The following NFE2L1 variants were observed in gnomAD, a reference collection of about 807,000 sequenced individuals.
NFE2L1 encodes the protein endoplasmic reticulum membrane sensor NFE2L1.
In NFE2L1, 18 loss-of-function variants were observed where a neutral mutation model predicts 61.6. That is an observed-to-expected ratio of 0.29 (90% CI 0.20 to 0.43). The LOEUF (loss-of-function observed/expected upper bound fraction) is 0.43. Among genes scored for constraint, NFE2L1 ranks in the 20% least tolerant of loss-of-function variants. The pLI is 1.00. For synonymous variants in NFE2L1, 419 were observed against 402.7 expected (o/e 1.04, Z -0.48); for missense variants, 827 against 973.5 (o/e 0.85, Z 2.00).
chr17:48,055,120 C>T (rs2037363959), intron 2 of NFE2L1: 2 of 1,429,792 alleles, frequency 1.4e-6, no homozygotes, highest in African/African-American at 3.0e-5. Context: ...CCCAGCCCGC[C>T]TCTGCTCCTG....
At chr17:48,055,610 AC>A (rs1267181915) in intron 2 of NFE2L1, among the ~76,000 whole-genome samples, 1 of 151,862 alleles carries the variant, frequency 6.6e-6, no homozygotes, top group African/African-American at 2.4e-5. Context: ...TGTAGGGGAC[AC>A]AGTGAGGCTG....
rs781297109 is a variant in NFE2L1 at position 48,059,674 on chromosome 17, A to G, written c.*33A>G. On this transcript the variant is annotated 3_prime_UTR_variant, in exon 6 of 6. Coordinates refer to ENST00000362042, the MANE Select transcript of NFE2L1 (RefSeq NM_003204.3). This position sits in a 1 kb window ranked among gnomAD's most constrained non-coding sequence, Gnocchi z 6.1. ...GAAGAAGGGGGTTTGAAGCCCACCA[A>G]GACCGAAACTGGAGAAGGGCTGGAC... 7 of 1,521,706 alleles carry G rather than the reference A, an allele frequency of 4.6e-6. No homozygotes were observed. Among genetic ancestry groups the G allele is most frequent in the Non-Finnish European group, 6.1e-6 (7 of 1,138,848 alleles). 94.3% of individuals were successfully genotyped at this position (1,521,706 alleles called of 1,614,324 possible).
rs1567754742 is a variant in NFE2L1, at chr17:48,057,328, C to CT, written c.814-15dup. 2 of 1,611,972 alleles carry CT rather than the reference C, an allele frequency of 1.2e-6. No homozygotes were observed. Among genetic ancestry groups the CT allele is most frequent in the Admixed American group, 1.7e-5 (1 of 59,506 alleles). On this transcript the variant is annotated splice_polypyrimidine_tract_variant and intron_variant, in intron 4 of 5. Transcript: ENST00000362042. ...TTTTCCTTCCCCCTTGTTAAAGCCT[C>CT]TGTGTTTTGCCCTAGTTTCCAGCAG...
At position 48,058,606 on chromosome 17, in the gene NFE2L1, C is replaced by T. The variant is rs747824807; in HGVS notation, c.1284C>T (p.Asp428=). 5 of 1,613,896 alleles carry T rather than the reference C, an allele frequency of 3.1e-6. No individual in the cohort carries two copies. The highest frequency in any genetic ancestry group is 4.2e-6 in the Non-Finnish European group (5 of 1,179,814). The change falls in exon 6 of 6, where the codon GAC becomes GAT. Residue 428 remains aspartate (D), a synonymous_variant. Coordinates refer to ENST00000362042, the MANE Select transcript of NFE2L1 (RefSeq NM_003204.3). Reference sequence around the variant, plus strand: ...CCCAGCTCAATGGCACAGCCAATGACACAGCAGGCCCAGAGCTGCCTGACC... The same window carrying T: ...CCCAGCTCAATGGCACAGCCAATGATACAGCAGGCCCAGAGCTGCCTGACC... ...FPPQLNGTAN[D]TAGPELPDPL...
At position 48,051,385 on chromosome 17, in the gene NFE2L1, C is replaced by G. The variant is rs1295551445; in HGVS notation, c.267C>G (p.Ala89=). ...GGCGGCTCCTCAGTCAGGTGAGGGC[C>G]CTGGACAGGTTCCAGGTGCCAACCA... ...TARRLLSQVR[A]LDRFQVPTTE... Residue 89 remains alanine (A), a synonymous_variant, in exon 2 of 6, where the codon GCC becomes GCG. Transcript: ENST00000362042. 2 of 1,613,988 alleles carry G rather than the reference C, an allele frequency of 1.2e-6. No homozygotes were observed. Among genetic ancestry groups the G allele is most frequent in the East Asian group, 2.2e-5 (1 of 44,884 alleles).
At chr17:48,049,549 C>T (rs889840036) in intron 1 of NFE2L1, among the ~76,000 whole-genome samples, 33 of 152,124 alleles carry the variant, frequency 2.2e-4, no homozygotes, top group African/African-American at 7.7e-4. Context: ...TGCGCCACCA[C>T]GCCCGGCTAA....
intron 2 of NFE2L1, 90 bp from the exon 3 acceptor site, chr17:48,056,296 C>T: frequency 6.7e-7 from 1 of 1,493,320 alleles, no homozygotes; most frequent in Non-Finnish European, 9.3e-7. Flanking sequence ...CCAGGACTAA[C>T]TGGGGTGACA....
chr17:48,055,798 A>T (rs538509299), intron 2 of NFE2L1, among the ~76,000 whole-genome samples: 138 of 152,192 alleles, frequency 9.1e-4, no homozygotes, highest in African/African-American at 3.2e-3. Flanking sequence ...CAGCTGGGGA[A>T]TGGGGAATGG....
At chr17:48,054,399 T>G in intron 2 of NFE2L1, 11 of 219,792 alleles carry the variant, frequency 5.0e-5, no homozygotes, top group Non-Finnish European at 7.9e-5. Context: ...GATGCAGAGA[T>G]TGGCTCCCGT....
Position 48,051,475 on chromosome 17 carries a change from C to T in NFE2L1, c.357C>T (p.Asn119=). The part of the protein sequence containing the change: ...PEGSVSGSQP[N]SGLALESSSG... ...GGTCTGTCTCTGGCAGTCAGCCCAA[C>T]TCAGGCCTCGCCCTCGAGAGTTCCA... The change falls in exon 2 of 6, where the codon AAC becomes AAT. Residue 119 remains asparagine (N), a synonymous_variant. Transcript: ENST00000362042. 3.1e-6 allele frequency: 5 copies of T among 1,614,020 alleles called. No individual in the cohort carries two copies. Among genetic ancestry groups the T allele is most frequent in the Non-Finnish European group, 3.4e-6 (4 of 1,180,044 alleles).
intron 2 of NFE2L1, among the ~76,000 whole-genome samples, chr17:48,053,997 TCTAGTCTGGC>T (rs1282521555): frequency 6.6e-6 from 1 of 152,116 alleles, no homozygotes; most frequent in Admixed American, 6.5e-5. Flanking sequence ...TCCCCTTTTC[TCTAGTCTGGC>T]CTATTTTGGG....
In NFE2L1 at chr17:48,058,599, C is replaced by T; in HGVS notation, c.1277C>T (p.Ala426Val). 1.2e-6 allele frequency: 2 copies of T among 1,613,836 alleles called. No individual in the cohort carries two copies. Among genetic ancestry groups the T allele is most frequent in the African/African-American group, 2.7e-5 (2 of 75,058 alleles). Reference protein sequence around the residue: ...LFFPPQLNGTANDTAGPELPD... With the variant: ...LFFPPQLNGTVNDTAGPELPD... ...TTTCCACCCCAGCTCAATGGCACAGCCAATGACACAGCAGGCCCAGAGCTG... is the reference window on the plus strand; with the variant it reads ...TTTCCACCCCAGCTCAATGGCACAGTCAATGACACAGCAGGCCCAGAGCTG... Residue 426 changes from alanine (A) to valine (V), a missense_variant, in exon 6 of 6, where the codon GCC becomes GTC. Physicochemically the swap from Ala to Val is moderately conservative, Grantham distance 64. This residue lies in a region of NFE2L1 where 667 missense variants were observed against 748.4 expected (regional missense o/e 0.89). Coordinates refer to ENST00000362042, the MANE Select transcript of NFE2L1 (RefSeq NM_003204.3).
rs1328930669 is a variant in NFE2L1, at chr17:48,050,960, G to A, written c.-159G>A. Reference sequence around the variant, plus strand: ...TCCACAGGGTGTGCTTTCCTCTGGGGCCGTCAGGGAGCTCATCCCTTGTGT... The same window carrying A: ...TCCACAGGGTGTGCTTTCCTCTGGGACCGTCAGGGAGCTCATCCCTTGTGT... On this transcript the variant is annotated 5_prime_UTR_variant, in exon 2 of 6. Coordinates refer to ENST00000362042, the MANE Select transcript of NFE2L1 (RefSeq NM_003204.3). 5.1e-5 allele frequency: 41 copies of A among 807,164 alleles called. No homozygotes were observed. Among genetic ancestry groups the A allele is most frequent in the Non-Finnish European group, 3.6e-5 (18 of 506,308 alleles). 50.0% of individuals were successfully genotyped at this position (807,164 alleles called of 1,614,324 possible).
intron 3 of NFE2L1, 58 bp from the exon 4 acceptor site, chr17:48,056,974 T>G: frequency 6.4e-7 from 1 of 1,568,784 alleles, no homozygotes; most frequent in Non-Finnish European, 8.7e-7. Context: ...GGAAAGAAGC[T>G]TCAGCCCCAG....
Position 48,059,841 on chromosome 17 carries a change from GC to G in NFE2L1, c.*202del. 2 of 728,576 alleles carry G rather than the reference GC, an allele frequency of 2.7e-6. No individual in the cohort carries two copies. Among genetic ancestry groups the G allele is most frequent in the Non-Finnish European group, 4.2e-6 (2 of 470,600 alleles). The allele number at this position is 728,576 out of a possible 1,614,324, so 45.1% of individuals were successfully genotyped here. A position where few individuals can be genotyped will look rare whatever the true frequency, so the allele number is the denominator to read the frequency against. On this transcript the variant is annotated 3_prime_UTR_variant, in exon 6 of 6. Coordinates refer to ENST00000362042, the MANE Select transcript of NFE2L1 (RefSeq NM_003204.3). This position sits in a 1 kb window ranked among gnomAD's most constrained non-coding sequence, Gnocchi z 6.1. ...GCTCCACTCGGGTGGAGTGGAAGTG[GC>G]CAGACCATTTAGACGGACAGGGTCC...
In NFE2L1 at chr17:48,059,019, C is replaced by A; in HGVS notation, c.1697C>A (p.Pro566His). 1 of 1,614,042 alleles carries A rather than the reference C, an allele frequency of 6.2e-7. No individual in the cohort carries two copies. The highest frequency in any genetic ancestry group is 1.1e-5 in the South Asian group (1 of 91,078). ...GATCCAGCTCAGCTCTCATGCCTGC[C>A]CTACCTGGAGCACGTGGGCCACAAC... is the stretch of plus-strand genomic sequence containing the variant. ...YQDPAQLSCL[P>H]YLEHVGHNHT... The change falls in exon 6 of 6, where the codon CCC (proline) becomes CAC (histidine). Residue 566 changes from proline (P) to histidine (H), a missense_variant. Physicochemically the swap from Pro to His is moderately conservative, Grantham distance 77. This residue lies in a region of NFE2L1 where 667 missense variants were observed against 748.4 expected (regional missense o/e 0.89). Coordinates refer to ENST00000362042, the MANE Select transcript of NFE2L1 (RefSeq NM_003204.3). The surrounding 1 kb of genome is among the most constrained non-coding windows in gnomAD (Gnocchi z 6.1).
Position 48,060,063 on chromosome 17 carries a change from A to C in NFE2L1, c.*422A>C. 1 of 165,242 alleles carries C rather than the reference A, an allele frequency of 6.1e-6. No homozygotes were observed. 10.2% of individuals were successfully genotyped at this position (165,242 alleles called of 1,614,324 possible). The stretch of plus-strand genomic sequence containing the variant: ...CCCCCCCCCCCCGAAAAAAAAATCA[A>C]AGCGGGAAGAAAATCAGAGGGAAGG... On this transcript the variant is annotated 3_prime_UTR_variant, in exon 6 of 6. Transcript: ENST00000362042.
Position 48,050,883 on chromosome 17 carries a change from G to A in NFE2L1, c.-236G>A, listed in dbSNP as rs1456176035. 2 of 606,776 alleles carry A rather than the reference G, an allele frequency of 3.3e-6. No homozygotes were observed. The allele number at this position is 606,776 out of a possible 1,614,324, so 37.6% of individuals were successfully genotyped here. On this transcript the variant is annotated 5_prime_UTR_variant, in exon 2 of 6. Transcript: ENST00000362042. ...GGAACAGTTGTACTTTCAGAGGTGA[G>A]GTGTCGAGAAGGGAAAGTGAATGTG... is the stretch of plus-strand genomic sequence containing the variant.
At position 48,051,028 on chromosome 17, in the gene NFE2L1, CCTG is replaced by C; in HGVS notation, c.-87_-85del. On this transcript the variant is annotated 5_prime_UTR_variant, in exon 2 of 6. Transcript: ENST00000362042. ...CGGGGTTTGACACTGAGGAGGGTAA[CCTG>C]CTGGCTGGAGCGGCAGAGCAGTGGC... 1 of 1,530,300 alleles carries C rather than the reference CCTG, an allele frequency of 6.5e-7. No individual in the cohort carries two copies. Among genetic ancestry groups the C allele is most frequent in the Non-Finnish European group, 8.9e-7 (1 of 1,117,684 alleles). 94.8% of individuals were successfully genotyped at this position (1,530,300 alleles called of 1,614,324 possible).
Sources: gnomAD v4.1 joint callset for allele counts (sites outside exome capture counted in the v4.1 genomes callset) on GRCh38, gnomAD v4.1.1 for gene constraint, gnomAD v4.1.1 regional missense constraint, Gnocchi (gnomAD v3.1) non-coding constraint, MANE v1.5 for transcripts, NCBI Gene and HGNC (gene_info 2026-07-23, HGNC 2026-07-21) for gene names.